The following GPR107 variants were observed in gnomAD, a reference collection of about 807,000 sequenced individuals.
GPR107 encodes the protein protein GPR107.
In GPR107, 31 loss-of-function variants were observed where a neutral mutation model predicts 75.5. The observed-to-expected ratio is 0.41, with a 90% CI of 0.31 to 0.55. The LOEUF (loss-of-function observed/expected upper bound fraction) is 0.55, where lower values mean the gene tolerates loss of function less well. Ranked by LOEUF, GPR107 falls within the 20% of genes least tolerant of loss-of-function variation. The pLI is 0.26. For synonymous variants in GPR107, 267 were observed against 251.3 expected, an observed-to-expected ratio of 1.06 and a Z score of -0.59; for missense variants, 572 against 665.7, an observed-to-expected ratio of 0.86 and a Z score of 1.55.
At chr9:130,099,868 C>CTTTTTTT (rs71387314) in intron 10 of GPR107, among the ~76,000 whole-genome samples, 4 of 90,026 alleles carry the variant, frequency 4.4e-5, no homozygotes, top group Non-Finnish European at 8.2e-5. Context: ...GTTTCCACGA[C>CTTTTTTT]TTTTTTTTTT....
chr9:130,104,294 C>A, intron 12 of GPR107, 126 bp from the exon 13 acceptor site: 1 of 742,722 alleles, frequency 1.3e-6, no homozygotes. Flanking sequence ...GCACGTGGGA[C>A]TGGAAAGAAT....
intron 17 of GPR107, chr9:130,133,244 A>G (rs1831872761): frequency 6.6e-6 from 1 of 152,248 alleles, no homozygotes; most frequent in African/African-American, 2.4e-5. Flanking sequence ...TTGGCCCACC[A>G]TGTGGAAAGG....
At chr9:130,131,615 C>T (rs565995318) in intron 17 of GPR107, among the ~76,000 whole-genome samples, 59 of 152,104 alleles carry the variant, frequency 3.9e-4, no homozygotes, top group African/African-American at 1.4e-3. Flanking sequence ...TCCTGCTCCG[C>T]GTCACCTCAG....
chr9:130,120,859 C>T (rs889357083), intron 14 of GPR107: 3 of 131,668 alleles, frequency 2.3e-5, no homozygotes, highest in Non-Finnish European at 4.8e-5. Flanking sequence ...AGTTACAGAT[C>T]GAACTCCTTG....
intron 14 of GPR107, 74 bp downstream of exon 14, chr9:130,107,613 G>T: frequency 1.0e-6 from 1 of 954,960 alleles, no homozygotes; most frequent in South Asian, 1.3e-5. Flanking sequence ...GCGGAGGAGT[G>T]GAGGCAGCCT....
intron 8 of GPR107, among the ~76,000 whole-genome samples, chr9:130,091,695 A>ATT (rs200927249): frequency 4.6e-5 from 6 of 131,526 alleles, no homozygotes; most frequent in Non-Finnish European, 6.5e-5. Flanking sequence ...TGCCTGGCTA[A>ATT]TTTTTTTTTT....
At chr9:130,098,580 A>G (rs1244631095) in intron 9 of GPR107, among the ~76,000 whole-genome samples, 1 of 152,108 alleles carries the variant, frequency 6.6e-6, no homozygotes, top group Admixed American at 6.5e-5. Flanking sequence ...TTAGATTTCC[A>G]TTTACTCAAG....
At chr9:130,066,404 T>G (rs1035973121) in intron 1 of GPR107, among the ~76,000 whole-genome samples, 9 of 26,116 alleles carry the variant, frequency 3.4e-4, no homozygotes, top group Non-Finnish European at 1.6e-3. Context: ...ATGATGGTGA[T>G]GATGACGACG....
At chr9:130,064,736 C>G (rs62583866) in intron 1 of GPR107, among the ~76,000 whole-genome samples, 1 of 152,044 alleles carries the variant, frequency 6.6e-6, no homozygotes, top group Non-Finnish European at 1.5e-5. Context: ...AGGGTGGGCC[C>G]TATTTTCAGT....
chr9:130,087,503 A>G (rs1370809014), intron 7 of GPR107, among the ~76,000 whole-genome samples: 1 of 151,926 alleles, frequency 6.6e-6, no homozygotes, highest in East Asian at 1.9e-4. Context: ...ACATCTCTAC[A>G]AAAAATACAA....
rs889103165 is a variant in GPR107 at position 130,068,779 on chromosome 9, T to C, written c.142-6857T>C. Among the ~76,000 whole-genome samples, 44 of 151,574 alleles carry C rather than the reference T, an allele frequency of 2.9e-4. 1 individual carries two copies. The highest frequency in any genetic ancestry group is 4.6e-4 in the Non-Finnish European group (31 of 67,924). Reference sequence around the variant, plus strand: ...TTTTTTGAGACGAGGTTTTGCTTTGTCACCCAGGCTGGAGTGCTGTGGCGC... The same window carrying C: ...TTTTTTGAGACGAGGTTTTGCTTTGCCACCCAGGCTGGAGTGCTGTGGCGC... On this transcript the variant is annotated intron_variant, in intron 1 of 17. Transcript: ENST00000347136.
intron 14 of GPR107, among the ~76,000 whole-genome samples, chr9:130,123,045 G>T (rs982627583): frequency 6.6e-6 from 1 of 151,944 alleles, no homozygotes; most frequent in Non-Finnish European, 1.5e-5. Flanking sequence ...TTTTTAATTT[G>T]CTTTTTCTGT....
intron 16 of GPR107, 138 bp downstream of exon 16, chr9:130,127,704 T>A (rs1831721156): frequency 6.1e-6 from 3 of 492,962 alleles, no homozygotes; most frequent in Non-Finnish European, 1.1e-5. Flanking sequence ...TAACTAAAAA[T>A]TTTTTTTTTA....
At chr9:130,126,574 TC>T (rs1360500993) in intron 15 of GPR107, among the ~76,000 whole-genome samples, 13 of 152,240 alleles carry the variant, frequency 8.5e-5, no homozygotes, top group African/African-American at 3.1e-4. Context: ...GGTCTCGAAC[TC>T]CTGACCTCAG....
chr9:130,065,689 C>T (rs1004256673), intron 1 of GPR107, among the ~76,000 whole-genome samples: 7 of 146,412 alleles, frequency 4.8e-5, no homozygotes, highest in African/African-American at 1.5e-4. Flanking sequence ...ATCACTTGAA[C>T]CCAGGAGGTG....
chr9:130,092,545 G>A (rs1453713686), intron 9 of GPR107, among the ~76,000 whole-genome samples, 164 bp downstream of exon 9: 1 of 152,106 alleles, frequency 6.6e-6, no homozygotes, highest in Non-Finnish European at 1.5e-5. Context: ...ATTATGGTGT[G>A]GGAGCCCTTT....
Position 130,099,512 on chromosome 9 carries a change from C to G in GPR107, c.919C>G (p.Leu307Val), listed in dbSNP as rs1045996579. The G allele has an allele frequency of 1.3e-6, 2 of 1,594,038 alleles. No individual in the cohort carries two copies. The highest frequency in any genetic ancestry group is 1.7e-6 in the Non-Finnish European group (2 of 1,161,796). The change falls in exon 10 of 18, where the codon CTT (leucine) becomes GTT (valine). Residue 307 changes from leucine (L) to valine (V), a missense_variant. Leu to Val is a conservative substitution (Grantham distance 32, BLOSUM62 1). Transcript: ENST00000347136. ...LMAALPFTKSLSLVFHAIDYH... is the reference protein window; with the variant it reads ...LMAALPFTKSVSLVFHAIDYH... The stretch of plus-strand genomic sequence containing the variant: ...GGCGGCCCTTCCTTTCACCAAGTCT[C>G]TTTCCTTGGTGTTCCATGCAGTATG...
chr9:130,101,714 T>C (rs1242819713), intron 12 of GPR107, among the ~76,000 whole-genome samples: 1 of 152,246 alleles, frequency 6.6e-6, no homozygotes, highest in Non-Finnish European at 1.5e-5. Flanking sequence ...CTTACAAGGC[T>C]GTGAGTCTTT....
rs1198956351 is a variant in GPR107 at position 130,112,850 on chromosome 9, A to G, written c.1306+5311A>G. Among the ~76,000 whole-genome samples the G allele has an allele frequency of 2.0e-5, 3 of 152,002 alleles. No homozygotes were observed. Among genetic ancestry groups the G allele is most frequent in the Non-Finnish European group, 4.4e-5 (3 of 68,006 alleles). On this transcript the variant is annotated intron_variant, in intron 14 of 17. Transcript: ENST00000347136. The surrounding 1 kb of genome is among the most constrained non-coding windows in gnomAD (Gnocchi z 4.0). ...CTGCAGCCTCAACCTCCTGGGCCCAACCGATCCTCTCACCTCAGCCCTCAA... is the reference window on the plus strand; with the variant it reads ...CTGCAGCCTCAACCTCCTGGGCCCAGCCGATCCTCTCACCTCAGCCCTCAA...
Sources: allele counts gnomAD v4.1 joint callset (sites outside exome capture counted in the v4.1 genomes callset), GRCh38; gene constraint gnomAD v4.1.1; non-coding constraint Gnocchi (gnomAD v3.1); transcripts MANE v1.5; gene names NCBI Gene and HGNC (gene_info 2026-07-23, HGNC 2026-07-21).